Variants in RELCH observed in about 807,000 individuals in gnomAD.
RELCH encodes RAB11-binding protein RELCH.
A neutral mutation model predicts 150.3 loss-of-function variants in RELCH; 41 were observed. That is an observed-to-expected ratio of 0.27 (90% CI 0.21 to 0.35). The LOEUF is 0.35. RELCH is among the 10% of genes least tolerant of loss of function. The probability of loss-of-function intolerance (pLI) is 1.00; values close to 1 mark genes in which losing one functional copy is unlikely to be tolerated. For synonymous variants in RELCH, 478 were observed against 531.8 expected (o/e 0.90, Z 1.39); for missense variants, 1,092 against 1,467.8 (o/e 0.74, Z 4.18).
chr18:62,292,924 C>T (rs906959768), intron 27 of RELCH, among the ~76,000 whole-genome samples: 1 of 152,118 alleles, frequency 6.6e-6, no homozygotes, highest in African/African-American at 2.4e-5. Flanking sequence ...AAGTACTTTT[C>T]CTAAAGTATA....
chr18:62,261,500 T>G lies in RELCH; in HGVS notation c.2203-11T>G, dbSNP rs1270117130. 1 of 1,609,430 alleles carries G rather than the reference T, an allele frequency of 6.2e-7. No homozygotes were observed. The highest frequency in any genetic ancestry group is 1.1e-5 in the South Asian group (1 of 90,418). On this transcript the variant is annotated splice_polypyrimidine_tract_variant and intron_variant, in intron 15 of 28. Coordinates refer to ENST00000644646, the MANE Select transcript of RELCH (RefSeq NM_001346231.2). Reference sequence around the variant, plus strand: ...AAGACTAAAATTAGCTTCCACCTCCTTATGTTTCAGGAAGGAGAACATGGA... The same window carrying G: ...AAGACTAAAATTAGCTTCCACCTCCGTATGTTTCAGGAAGGAGAACATGGA...
At chr18:62,288,693 C>G (rs934047927) in intron 26 of RELCH, among the ~76,000 whole-genome samples, 9 of 152,056 alleles carry the variant, frequency 5.9e-5, no homozygotes, top group African/African-American at 2.2e-4. Context: ...GTAACCTCAA[C>G]TATTCATGTC....
intron 15 of RELCH, 149 bp from the exon 16 acceptor site, chr18:62,261,362 A>T (rs143243262): frequency 3.8e-6 from 2 of 532,556 alleles, no homozygotes; most frequent in African/African-American, 1.9e-5. Context: ...AGATTCTACC[A>T]CTCTAGAGTG....
At chr18:62,282,561 T>C (rs2044573504) in intron 25 of RELCH, 117 bp downstream of exon 25, 1 of 959,048 alleles carries the variant, frequency 1.0e-6, no homozygotes, top group Admixed American at 2.3e-5. Context: ...GTTAAAGCCT[T>C]GTGTACTGAA....
At position 62,263,984 on chromosome 18, in the gene RELCH, T is replaced by G. The variant is rs1199287088; in HGVS notation, c.2351-5T>G. The G allele has an allele frequency of 6.2e-7, 1 of 1,603,824 alleles. No individual in the cohort carries two copies. Among genetic ancestry groups the G allele is most frequent in the Non-Finnish European group, 8.5e-7 (1 of 1,175,922 alleles). ...TATGATTTATTTTGCTTCTTTTATG[T>G]GTAGTGACTAGGTTTCCTCGGCCTA... On this transcript the variant is annotated splice_polypyrimidine_tract_variant and splice_region_variant and intron_variant, in intron 16 of 28. Transcript: ENST00000644646.
At chr18:62,193,283 G>GT (rs2038783650) in intron 1 of RELCH, among the ~76,000 whole-genome samples, 1 of 152,166 alleles carries the variant, frequency 6.6e-6, no homozygotes, top group Non-Finnish European at 1.5e-5. Context: ...AGACAGTGGG[G>GT]TTTTCTAGAT....
intron 17 of RELCH, among the ~76,000 whole-genome samples, 173 bp downstream of exon 17, chr18:62,264,318 A>G (rs1384376383): frequency 6.6e-6 from 1 of 152,104 alleles, no homozygotes; most frequent in Non-Finnish European, 1.5e-5. Flanking sequence ...TCTGAGAAGA[A>G]GATGTTGCTG....
At chr18:62,263,846 T>C (rs1453037520) in intron 16 of RELCH, 143 bp from the exon 17 acceptor site, 3 of 554,706 alleles carry the variant, frequency 5.4e-6, no homozygotes, top group East Asian at 6.9e-5. Flanking sequence ...ACTTAATTAG[T>C]GTATTTCAAT....
rs113633846 is a variant in RELCH at position 62,217,263 on chromosome 18, A to G, written c.617-3774A>G. 1.8e-3 allele frequency among the ~76,000 whole-genome samples: 279 copies of G among 152,102 alleles called. 3 individuals carry two copies. The highest frequency in any genetic ancestry group is 6.5e-3 in the African/African-American group (270 of 41,556). On this transcript the variant is annotated intron_variant, in intron 2 of 28. Coordinates refer to ENST00000644646, the MANE Select transcript of RELCH (RefSeq NM_001346231.2). ...AGTGGGAAAAAAGAAAAAGAGTTTC[A>G]TGGTTAGATAAGTTTAGAAAATCAT...
chr18:62,219,346 T>C (rs1327171259), intron 2 of RELCH, among the ~76,000 whole-genome samples: 5 of 145,832 alleles, frequency 3.4e-5, no homozygotes, highest in Non-Finnish European at 7.6e-5. Flanking sequence ...TTTTTTCATA[T>C]TTCTATCATT....
Position 62,267,431 on chromosome 18 carries a change from T to C in RELCH, c.2680+682T>C, listed in dbSNP as rs966031956. The stretch of plus-strand genomic sequence containing the variant: ...AATATATATATAGTCTAGGTATATA[T>C]GTATGTGTGTGTGTGTGTGTGTGTA... On this transcript the variant is annotated intron_variant, in intron 19 of 28. Transcript: ENST00000644646. Among the ~76,000 whole-genome samples the C allele has an allele frequency of 3.6e-5, 5 of 137,556 alleles. No individual in the cohort carries two copies. In the East Asian group the frequency reaches 1.0e-3, roughly 28 times the overall value. 90.2% of individuals were successfully genotyped at this position (137,556 alleles called of 152,430 possible). A position where few individuals can be genotyped will look rare whatever the true frequency, so the allele number is the denominator to read the frequency against.
intron 1 of RELCH, among the ~76,000 whole-genome samples, chr18:62,200,679 A>T (rs2039372714): frequency 6.6e-6 from 1 of 150,378 alleles, no homozygotes; most frequent in South Asian, 2.1e-4. Flanking sequence ...TCCTTTCTTT[A>T]TCACCAAGGT....
At chr18:62,265,515 G>A (rs1057195262) in intron 18 of RELCH, among the ~76,000 whole-genome samples, 3 of 151,964 alleles carry the variant, frequency 2.0e-5, no homozygotes, top group Non-Finnish European at 2.9e-5. Context: ...ACATAAAAAG[G>A]TGTAGTTTCT....
At chr18:62,248,341 G>T (rs917666105) in intron 11 of RELCH, among the ~76,000 whole-genome samples, 1 of 152,048 alleles carries the variant, frequency 6.6e-6, no homozygotes, top group Non-Finnish European at 1.5e-5. Flanking sequence ...CAGAAAGTTG[G>T]CTCCAGTAAA....
At chr18:62,272,853 T>C (rs1165888482) in intron 20 of RELCH, among the ~76,000 whole-genome samples, 1 of 152,084 alleles carries the variant, frequency 6.6e-6, no homozygotes, top group Admixed American at 6.6e-5. Flanking sequence ...GTTATGTCTA[T>C]TTTATATTTG....
chr18:62,230,065 G>A (rs1438953090), intron 8 of RELCH, among the ~76,000 whole-genome samples: 1 of 152,046 alleles, frequency 6.6e-6, no homozygotes, highest in African/African-American at 2.4e-5. Flanking sequence ...AAGAAATGAT[G>A]GAGGCCTGTT....
intron 1 of RELCH, among the ~76,000 whole-genome samples, chr18:62,193,839 T>G (rs1248920318): frequency 6.6e-6 from 1 of 152,198 alleles, no homozygotes; most frequent in Non-Finnish European, 1.5e-5. Context: ...TTAAGGTTTT[T>G]TACATGTTGG....
chr18:62,280,227 AT>A, intron 23 of RELCH: 1 of 697,986 alleles, frequency 1.4e-6, no homozygotes. Flanking sequence ...ATGGCCTAAC[AT>A]TTTAATGTCT....
chr18:62,221,798 A>C (rs1397325244), intron 5 of RELCH, among the ~76,000 whole-genome samples: 1 of 151,844 alleles, frequency 6.6e-6, no homozygotes, highest in Non-Finnish European at 1.5e-5. Flanking sequence ...TTTTAAAGAC[A>C]TACTTTATAG....
Sources: allele counts gnomAD v4.1 joint callset (sites outside exome capture counted in the v4.1 genomes callset), GRCh38; gene constraint gnomAD v4.1.1; transcripts MANE v1.5; gene names NCBI Gene and HGNC (gene_info 2026-07-23, HGNC 2026-07-21).